Variants in CYFIP1 observed in about 807,000 individuals in gnomAD.
CYFIP1 encodes cytoplasmic FMR1-interacting protein 1.
CYFIP1 carries 58 observed loss-of-function variants against 163.5 expected under a neutral mutation model. The observed-to-expected ratio is 0.35, with a 90% CI of 0.29 to 0.44. The LOEUF is 0.44. Ranked by LOEUF, CYFIP1 falls within the 20% of genes least tolerant of loss-of-function variation. The pLI, the probability that CYFIP1 is intolerant of heterozygous loss-of-function variation, is 1.00. For synonymous variants in CYFIP1, 663 were observed against 660.7 expected (o/e 1.00, Z -0.05); for missense variants, 1,338 against 1,653.8 (o/e 0.81, Z 3.31).
At chr15:22,973,091 G>A (rs2063152046) in intron 1 of CYFIP1, among the ~76,000 whole-genome samples, 3 of 152,036 alleles carry the variant, frequency 2.0e-5, no homozygotes, top group South Asian at 2.1e-4. Flanking sequence ...AGCCAAGATC[G>A]CGCCACTGCT....
At position 22,937,218 on chromosome 15, in the gene CYFIP1, C is replaced by G. The variant is rs1352793227; in HGVS notation, c.796-10G>C. 5.2e-6 allele frequency: 8 copies of G among 1,539,870 alleles called. No homozygotes were observed. In the South Asian group the frequency reaches 7.8e-5, roughly 15 times the overall value. On this transcript the variant is annotated splice_polypyrimidine_tract_variant and intron_variant, in intron 8 of 30. Transcript: ENST00000617928. ...GACCAAATCCCATGACCTGAAAAGC[C>G]ACAAAATGAATGATGCGACAAAGCT... is the stretch of plus-strand genomic sequence containing the variant.
chr15:22,911,079 T>C (rs1033224296), intron 18 of CYFIP1, among the ~76,000 whole-genome samples: 1 of 151,966 alleles, frequency 6.6e-6, no homozygotes, highest in Non-Finnish European at 1.5e-5. Flanking sequence ...TGGTGGCACG[T>C]GCCCGTGGTC....
intron 1 of CYFIP1, among the ~76,000 whole-genome samples, chr15:22,967,912 G>A (rs1031714176): frequency 2.6e-5 from 4 of 152,076 alleles, no homozygotes; most frequent in African/African-American, 9.7e-5. Context: ...GACACAGGCA[G>A]ATCACTTGAG....
intron 5 of CYFIP1, among the ~76,000 whole-genome samples, 157 bp from the exon 6 acceptor site, chr15:22,943,511 C>G (rs1442422553): frequency 1.3e-5 from 2 of 152,210 alleles, no homozygotes; most frequent in African/African-American, 4.8e-5. Context: ...CAACCAGACC[C>G]CTTCCTGAAA....
rs573031026 is a variant in CYFIP1, at chr15:22,963,320, G to A, written c.-6-16029C>T. Among the ~76,000 whole-genome samples, 790 of 149,042 alleles carry A rather than the reference G, an allele frequency of 5.3e-3. 5 individuals carry two copies. Among genetic ancestry groups the A allele is most frequent in the African/African-American group, 0.019 (753 of 40,556 alleles). On this transcript the variant is annotated intron_variant, in intron 1 of 30. Coordinates refer to ENST00000617928, the MANE Select transcript of CYFIP1 (RefSeq NM_014608.6). ...AGCCTGACCAATATGGAGAAACCCC[G>A]TCCCTACTAAAAATACAGAATTAGA...
chr15:22,918,900 G>A, intron 13 of CYFIP1, 42 bp from the exon 14 acceptor site: 6 of 1,508,088 alleles, frequency 4.0e-6, no homozygotes, highest in Non-Finnish European at 4.5e-6. Flanking sequence ...TCTTAGGGAT[G>A]GCACCAAGCC....
At position 22,946,993 on chromosome 15, in the gene CYFIP1, G is replaced by A. The variant is rs373236670; in HGVS notation, c.207+10C>T. On this transcript the variant is annotated intron_variant, in intron 3 of 30. Coordinates refer to ENST00000617928, the MANE Select transcript of CYFIP1 (RefSeq NM_014608.6). ...CTGCAGAGAGAAACAAAGACACACC[G>A]CAACATTACCATGCTAGAGTGGACG... 38 of 1,610,702 alleles carry A rather than the reference G, an allele frequency of 2.4e-5. No individual in the cohort carries two copies. The highest frequency in any genetic ancestry group is 3.0e-5 in the Non-Finnish European group (35 of 1,177,012).
At chr15:22,913,294 C>A (rs752124759) in intron 17 of CYFIP1, among the ~76,000 whole-genome samples, 1 of 150,774 alleles carries the variant, frequency 6.6e-6, no homozygotes, top group Non-Finnish European at 1.5e-5. Context: ...TTTGGGAGGC[C>A]GAGGTGGGCG....
intron 13 of CYFIP1, among the ~76,000 whole-genome samples, chr15:22,923,687 A>G (rs2061262257): frequency 6.6e-6 from 1 of 152,148 alleles, no homozygotes. Flanking sequence ...GCTCACCTCT[A>G]ATCCCAGTGC....
rs2061953232 is a variant in CYFIP1, at chr15:22,943,344, A to G, written c.398T>C (p.Ile133Thr). 2 of 1,613,994 alleles carry G rather than the reference A, an allele frequency of 1.2e-6. No individual in the cohort carries two copies. Among genetic ancestry groups the G allele is most frequent in the Non-Finnish European group, 1.7e-6 (2 of 1,179,994 alleles). Residue 133 changes from isoleucine to threonine, a missense_variant, in exon 6 of 31, where the codon ATT (isoleucine) becomes ACT (threonine). By Grantham distance (89) the Ile-to-Thr change is moderately conservative. Coordinates refer to ENST00000617928, the MANE Select transcript of CYFIP1 (RefSeq NM_014608.6). ...MNFMYFQRNA[I>T]ERFCGEVRRL... ...CCTCACTTCCCCGCAGAAACGCTCAATGGCATTTCTCTGTGCAGAGGAAGC... is the reference window on the plus strand; with the variant it reads ...CCTCACTTCCCCGCAGAAACGCTCAGTGGCATTTCTCTGTGCAGAGGAAGC...
At chr15:22,925,855 T>C (rs2061339758) in intron 13 of CYFIP1, 127 bp downstream of exon 13, 2 of 1,369,342 alleles carry the variant, frequency 1.5e-6, no homozygotes, top group Admixed American at 2.0e-5. Context: ...CTCTGCCAGA[T>C]GGAAAGGGGT....
At chr15:22,931,102 G>T (rs557569917) in intron 11 of CYFIP1, among the ~76,000 whole-genome samples, 3 of 152,290 alleles carry the variant, frequency 2.0e-5, no homozygotes, top group Non-Finnish European at 4.4e-5. Flanking sequence ...TAACCATGGG[G>T]GGTGGGGGAC....
intron 13 of CYFIP1, among the ~76,000 whole-genome samples, chr15:22,922,201 C>T (rs1454186321): frequency 6.6e-6 from 1 of 152,122 alleles, no homozygotes; most frequent in Non-Finnish European, 1.5e-5. Context: ...CCCGGGCCTA[C>T]TGCTGTACCA....
intron 23 of CYFIP1, among the ~76,000 whole-genome samples, chr15:22,883,367 C>CG (rs934081367): frequency 1.8e-4 from 28 of 152,104 alleles, no homozygotes; most frequent in Non-Finnish European, 2.8e-4. Context: ...CTGAAGGGGC[C>CG]GGGGGAGCTG....
intron 22 of CYFIP1, among the ~76,000 whole-genome samples, chr15:22,899,598 G>A (rs544277256): frequency 1.3e-5 from 2 of 152,146 alleles, no homozygotes; most frequent in South Asian, 4.2e-4. Context: ...CTCACCTTCC[G>A]CCATGATTGT....
At chr15:22,922,187 G>A (rs2061208211) in intron 13 of CYFIP1, among the ~76,000 whole-genome samples, 1 of 152,062 alleles carries the variant, frequency 6.6e-6, no homozygotes, top group Non-Finnish European at 1.5e-5. Flanking sequence ...TGTGTGCCTG[G>A]GGCCCCGGGC....
At chr15:22,885,867 C>A (rs1422048198) in intron 23 of CYFIP1, among the ~76,000 whole-genome samples, 5 of 152,168 alleles carry the variant, frequency 3.3e-5, no homozygotes, top group Non-Finnish European at 1.5e-5. Context: ...AAAGTCACTT[C>A]CACATTTTCA....
intron 18 of CYFIP1, 139 bp from the exon 19 acceptor site, chr15:22,910,952 C>G: frequency 5.5e-6 from 4 of 731,572 alleles, no homozygotes; most frequent in South Asian, 3.5e-5. Context: ...CTCTGTTGCC[C>G]AGGCTGGAGC....
At chr15:22,948,527 A>C (rs776700555) in intron 1 of CYFIP1, among the ~76,000 whole-genome samples, 1 of 152,228 alleles carries the variant, frequency 6.6e-6, no homozygotes, top group Non-Finnish European at 1.5e-5. Flanking sequence ...ATCTCATATC[A>C]TAACATCCAA....
Sources: gnomAD v4.1 joint callset for allele counts (sites outside exome capture counted in the v4.1 genomes callset) on GRCh38, gnomAD v4.1.1 for gene constraint, MANE v1.5 for transcripts, NCBI Gene and HGNC (gene_info 2026-07-23, HGNC 2026-07-21) for gene names.